Variants in UBE2E2 observed in about 807,000 individuals in gnomAD.
UBE2E2 encodes ubiquitin conjugating enzyme E2 E2.
UBE2E2 carries 6 observed loss-of-function variants against 24.7 expected under a neutral mutation model. That is an observed-to-expected ratio of 0.24 (90% CI 0.13 to 0.48). The LOEUF is 0.48. Ranked by LOEUF, UBE2E2 falls within the 20% of genes least tolerant of loss-of-function variation. The pLI is 0.99. For synonymous variants in UBE2E2, 104 were observed against 83.6 expected, an observed-to-expected ratio of 1.24 and a Z score of -1.33; for missense variants, 169 against 245.0, an observed-to-expected ratio of 0.69 and a Z score of 2.07.
At chr3:23,235,909 T>C (rs968932245) in intron 3 of UBE2E2, among the ~76,000 whole-genome samples, 2 of 152,140 alleles carry the variant, frequency 1.3e-5, no homozygotes, top group African/African-American at 4.8e-5. Flanking sequence ...AAGTAGGCAG[T>C]TGAACATGAG....
chr3:23,226,674 A>T (rs568217958), intron 3 of UBE2E2, among the ~76,000 whole-genome samples: 3 of 152,288 alleles, frequency 2.0e-5, no homozygotes, highest in Admixed American at 6.5e-5. Flanking sequence ...AGAATTTAGT[A>T]TAGTTATTCT....
chr3:23,447,895 C>G (rs760531830), intron 3 of UBE2E2, among the ~76,000 whole-genome samples: 4 of 152,136 alleles, frequency 2.6e-5, no homozygotes, highest in Admixed American at 1.3e-4. Context: ...TATTAACATT[C>G]ATGGCATTTT....
At chr3:23,223,458 G>T (rs1349662764) in intron 3 of UBE2E2, among the ~76,000 whole-genome samples, 1 of 152,108 alleles carries the variant, frequency 6.6e-6, no homozygotes, top group Non-Finnish European at 1.5e-5. Flanking sequence ...CTCCCAAAGT[G>T]CTAGTATTAC....
chr3:23,421,006 A>T (rs954319623), intron 3 of UBE2E2, among the ~76,000 whole-genome samples: 2 of 152,242 alleles, frequency 1.3e-5, no homozygotes, highest in Admixed American at 1.3e-4. Flanking sequence ...AACGAAAGTT[A>T]TAGGAGGGAA....
chr3:23,206,567 G>T (rs1696152847), intron 1 of UBE2E2, among the ~76,000 whole-genome samples: 2 of 152,248 alleles, frequency 1.3e-5, no homozygotes, highest in South Asian at 4.2e-4. Context: ...TTGGCATGGG[G>T]AGCTGTTGGG....
rs1032187192 is a variant in UBE2E2 at position 23,268,310 on chromosome 3, T to C, written c.227+50998T>C. Among the ~76,000 whole-genome samples the C allele has an allele frequency of 1.6e-4, 24 of 150,184 alleles. 1 individual carries two copies. The East Asian group carries it at 3.9e-3, about 24-fold the overall frequency. On this transcript the variant is annotated intron_variant, in intron 3 of 5. Transcript: ENST00000396703. ...ATGATTGTATATCTAGAAAACCCCA[T>C]TGTCTCAGCCCAAAATCTCCTTAAG...
rs916948116 is a variant in UBE2E2, at chr3:23,474,123, A to G, written c.228-25485A>G. 4.0e-5 allele frequency among the ~76,000 whole-genome samples: 6 copies of G among 151,842 alleles called. No homozygotes were observed. Among genetic ancestry groups the G allele is most frequent in the Non-Finnish European group, 8.8e-5 (6 of 67,980 alleles). ...GTATCGCATTGTGGTTTTGATTTGC[A>G]TTTCCCTGATCATTAGTGATGTTGA... On this transcript the variant is annotated intron_variant, in intron 3 of 5. Transcript: ENST00000396703. The surrounding 1 kb of genome is among the most constrained non-coding windows in gnomAD (Gnocchi z 4.0).
At chr3:23,357,699 T>C (rs564593437) in intron 3 of UBE2E2, among the ~76,000 whole-genome samples, 1 of 152,198 alleles carries the variant, frequency 6.6e-6, no homozygotes, top group South Asian at 2.1e-4. Context: ...TTAAAAGAAA[T>C]ACAGAAAGCT....
At chr3:23,271,298 C>T (rs1294733749) in intron 3 of UBE2E2, 2 of 295,056 alleles carry the variant, frequency 6.8e-6, no homozygotes, top group African/African-American at 2.2e-5. Context: ...TCTGGAGTTT[C>T]TTCCTTCTGG....
At chr3:23,308,653 A>G (rs1375355306) in intron 3 of UBE2E2, among the ~76,000 whole-genome samples, 1 of 152,206 alleles carries the variant, frequency 6.6e-6, no homozygotes, top group Non-Finnish European at 1.5e-5. Context: ...TTACAAGATT[A>G]GCTGAGTGTA....
At chr3:23,521,343 T>C (rs1351459352) in intron 4 of UBE2E2, among the ~76,000 whole-genome samples, 1 of 152,250 alleles carries the variant, frequency 6.6e-6, no homozygotes, top group African/African-American at 2.4e-5. Flanking sequence ...GTCAGTCATT[T>C]ATTACATGCT....
At position 23,272,211 on chromosome 3, in the gene UBE2E2, C is replaced by T. The variant is rs190667527; in HGVS notation, c.227+54899C>T. ...GCCTGGCGAGAGTTCGAGTGTGGCA[C>T]GGGCAGTCTGGCACTGCTGGGGGAT... On this transcript the variant is annotated intron_variant, in intron 3 of 5. Transcript: ENST00000396703. Among the ~76,000 whole-genome samples, 90 of 152,282 alleles carry T rather than the reference C, an allele frequency of 5.9e-4. 1 individual carries two copies. In the East Asian group the frequency reaches 0.016, roughly 26 times the overall value.
intron 3 of UBE2E2, among the ~76,000 whole-genome samples, chr3:23,485,182 C>T (rs543614526): frequency 8.5e-4 from 128 of 150,898 alleles, no homozygotes; most frequent in African/African-American, 2.9e-3. Flanking sequence ...GCAACCTCCA[C>T]CTCCAGGGTT....
chr3:23,553,363 C>T (rs920944605), intron 5 of UBE2E2, among the ~76,000 whole-genome samples: 2 of 151,884 alleles, frequency 1.3e-5, no homozygotes, highest in Admixed American at 6.6e-5. Flanking sequence ...TGTGGTAAAG[C>T]GGCATCCCAC....
intron 3 of UBE2E2, among the ~76,000 whole-genome samples, chr3:23,409,585 T>C (rs543435541): frequency 1.3e-5 from 2 of 152,306 alleles, no homozygotes; most frequent in East Asian, 3.9e-4. Context: ...GTATTTTGCA[T>C]TCTTTGTACT....
intron 3 of UBE2E2, among the ~76,000 whole-genome samples, chr3:23,443,007 T>C (rs1332193478): frequency 6.6e-6 from 1 of 152,250 alleles, no homozygotes; most frequent in African/African-American, 2.4e-5. Context: ...TGTCCCCTAC[T>C]AAACTCCCTC....
In UBE2E2 at chr3:23,513,476, T is replaced by G. The variant is rs572151475; in HGVS notation, c.360+13736T>G. 2.6e-4 allele frequency among the ~76,000 whole-genome samples: 40 copies of G among 152,340 alleles called. No individual in the cohort carries two copies. In the South Asian group the frequency reaches 7.5e-3, roughly 28 times the overall value. On this transcript the variant is annotated intron_variant, in intron 4 of 5. Transcript: ENST00000396703. ...TCCTGTGATTGACATACAGGGATTT[T>G]TTTTAATCTTTTGCCATCACAAATA... is the stretch of plus-strand genomic sequence containing the variant.
intron 5 of UBE2E2, among the ~76,000 whole-genome samples, chr3:23,581,238 A>T (rs1006556461): frequency 6.6e-6 from 1 of 151,944 alleles, no homozygotes; most frequent in African/African-American, 2.4e-5. Flanking sequence ...TTAAAAATTT[A>T]TGTAGAGGCG....
At position 23,540,388 on chromosome 3, in the gene UBE2E2, TTTTGTTTG is replaced by T. The variant is rs112747673; in HGVS notation, c.508+7715_508+7722del. Among the ~76,000 whole-genome samples the T allele has an allele frequency of 1.2e-3, 172 of 148,362 alleles. No homozygotes were observed. The East Asian group carries it at 0.02, about 17-fold the overall frequency. On this transcript the variant is annotated intron_variant, in intron 5 of 5. Transcript: ENST00000396703. ...AGCCACTGAGTAAAGTTTGATGCCC[TTTTGTTTG>T]TTTGTTTGTTTGTTTGTTTGTTTGT...
Sources: allele counts gnomAD v4.1 joint callset (sites outside exome capture counted in the v4.1 genomes callset), GRCh38; gene constraint gnomAD v4.1.1; non-coding constraint Gnocchi (gnomAD v3.1); transcripts MANE v1.5; gene names NCBI Gene and HGNC (gene_info 2026-07-23, HGNC 2026-07-21).